CAST: variants seen among roughly 807,000 people sequenced by gnomAD.
The protein encoded by CAST is calpastatin, also known as MIR583 host.
Under a neutral mutation model 119.6 loss-of-function variants are expected in CAST, and 76 were observed. The ratio of observed to expected loss-of-function variants is 0.64; its 90% CI spans 0.53 to 0.77. The LOEUF (loss-of-function observed/expected upper bound fraction) is 0.77, where lower values mean the gene tolerates loss of function less well. Ranked by LOEUF, CAST falls within the 30% of genes least tolerant of loss-of-function variation. The pLI, the probability that CAST is intolerant of heterozygous loss-of-function variation, is 0.00. For missense variants in CAST, 953 were observed against 946.5 expected, an observed-to-expected ratio of 1.01 and a Z score of -0.09; for synonymous variants, 319 against 331.6, an observed-to-expected ratio of 0.96 and a Z score of 0.41.
intron 9 of CAST, among the ~76,000 whole-genome samples, chr5:96,735,153 A>G (rs763815440): frequency 1.4e-4 from 21 of 152,364 alleles, no homozygotes; most frequent in African/African-American, 4.8e-4. Flanking sequence ...AGCACTTACA[A>G]TTACATAGCA....
the CAST span, among the ~76,000 whole-genome samples, chr5:96,255,046 G>A: frequency 6.6e-6 from 1 of 152,056 alleles, no homozygotes; most frequent in Non-Finnish European, 1.5e-5. Context: ...AGCATCAAAT[G>A]ATTAAAAAAC....
chr5:96,671,163 C>T (rs1025017094), intron 1 of CAST, among the ~76,000 whole-genome samples: 7 of 152,098 alleles, frequency 4.6e-5, no homozygotes, highest in African/African-American at 1.7e-4. Context: ...TTCTCTGGCT[C>T]TGAGCTTCTG....
At chr5:96,769,339 C>T (rs152479) in intron 29 of CAST, 63,733 of 150,704 alleles carry the variant, frequency 0.42, 13,788 homozygotes, top group South Asian at 0.47. Context: ...CAGCTTTCCT[C>T]GGTTGTTTCC....
At chr5:96,559,856 T>G (rs1486708163) in intron 1 of CAST, among the ~76,000 whole-genome samples, 6 of 152,240 alleles carry the variant, frequency 3.9e-5, no homozygotes, top group Non-Finnish European at 7.4e-5. Context: ...AAAAACTACT[T>G]TAAAGTTCAT....
the CAST span, among the ~76,000 whole-genome samples, chr5:96,134,751 A>G: frequency 6.6e-6 from 1 of 152,194 alleles, no homozygotes; most frequent in Non-Finnish European, 1.5e-5. Flanking sequence ...CTTACTATAC[A>G]TTCCATGTAT....
At chr5:96,543,437 G>T (rs1044726878) in intron 1 of CAST, among the ~76,000 whole-genome samples, 6 of 152,114 alleles carry the variant, frequency 3.9e-5, no homozygotes, top group African/African-American at 1.4e-4. Context: ...TACATGTGGG[G>T]CTTAAACCTA....
chr5:96,251,337 T>C, the CAST span, among the ~76,000 whole-genome samples: 1 of 152,172 alleles, frequency 6.6e-6, no homozygotes, highest in African/African-American at 2.4e-5. Context: ...TTATTAAACA[T>C]GTATTTAGTG....
the CAST span, among the ~76,000 whole-genome samples, chr5:96,244,032 A>G: frequency 4.6e-5 from 7 of 152,226 alleles, no homozygotes; most frequent in Non-Finnish European, 1.5e-5. Flanking sequence ...TCTTAAGCAG[A>G]GTGACGTTAA....
At chr5:96,304,607 A>G in the CAST span, among the ~76,000 whole-genome samples, 1 of 152,220 alleles carries the variant, frequency 6.6e-6, no homozygotes, top group African/African-American at 2.4e-5. Flanking sequence ...TCTTTAATCC[A>G]TCTTGAGTTA....
the CAST span, among the ~76,000 whole-genome samples, chr5:96,509,072 T>C: frequency 6.6e-6 from 1 of 152,240 alleles, no homozygotes; most frequent in Non-Finnish European, 1.5e-5. Context: ...TGTAAAATTA[T>C]CTTTCAAAGT....
chr5:96,573,249 G>T (rs1053594826), intron 1 of CAST, among the ~76,000 whole-genome samples: 2 of 152,034 alleles, frequency 1.3e-5, no homozygotes, highest in Non-Finnish European at 1.5e-5. Context: ...GAGCTTTAAG[G>T]CATCTTGAGT....
At chr5:96,594,290 C>T (rs1277923580) in intron 1 of CAST, among the ~76,000 whole-genome samples, 1 of 152,218 alleles carries the variant, frequency 6.6e-6, no homozygotes, top group Non-Finnish European at 1.5e-5. Context: ...AAAGATAGGG[C>T]AACCCATAGC....
chr5:96,591,663 C>G (rs191091422), intron 1 of CAST, among the ~76,000 whole-genome samples: 6 of 152,330 alleles, frequency 3.9e-5, no homozygotes, highest in African/African-American at 1.4e-4. Flanking sequence ...CAAATATGCT[C>G]TGTGACTCAG....
chr5:96,511,417 C>T, the CAST span, among the ~76,000 whole-genome samples: 5 of 145,698 alleles, frequency 3.4e-5, no homozygotes, highest in Non-Finnish European at 6.2e-5. Context: ...GCTGGGATTA[C>T]AGGCGTGAGC....
At chr5:96,262,620 C>G in the CAST span, among the ~76,000 whole-genome samples, 4 of 152,156 alleles carry the variant, frequency 2.6e-5, no homozygotes, top group Non-Finnish European at 4.4e-5. Context: ...AGCTCTGCCT[C>G]CCGGGTTCAT....
At chr5:96,020,327 C>G in the CAST span, among the ~76,000 whole-genome samples, 1 of 152,130 alleles carries the variant, frequency 6.6e-6, no homozygotes, top group Non-Finnish European at 1.5e-5. Flanking sequence ...AAAAAATAAG[C>G]AGCAGATTTA....
chr5:96,621,525 A>T (rs1315125069), intron 1 of CAST, among the ~76,000 whole-genome samples: 1 of 152,190 alleles, frequency 6.6e-6, no homozygotes, highest in African/African-American at 2.4e-5. Context: ...CAGGAGAGAG[A>T]GAGTGTGTGT....
the CAST span, among the ~76,000 whole-genome samples, chr5:95,976,982 GT>G: frequency 1.3e-5 from 2 of 152,058 alleles, no homozygotes; most frequent in African/African-American, 2.4e-5. Context: ...CTGTGCCTTA[GT>G]TTTCTTTTCT....
At chr5:96,313,331 G>A in the CAST span, among the ~76,000 whole-genome samples, 1 of 152,120 alleles carries the variant, frequency 6.6e-6, no homozygotes, top group Non-Finnish European at 1.5e-5. Context: ...CTTTGTAGGA[G>A]TCAATCTGCC....
Sources: allele counts gnomAD v4.1 joint callset (sites outside exome capture counted in the v4.1 genomes callset), GRCh38; gene constraint gnomAD v4.1.1; transcripts MANE v1.5; gene names NCBI Gene and HGNC (gene_info 2026-07-23, HGNC 2026-07-21).